Variants in SCAND3 observed in about 807,000 individuals in gnomAD.
The protein encoded by SCAND3 is SCAN domain-containing protein 3.
the SCAND3 span, chr6:28,573,173 A>G: frequency 6.2e-7 from 1 of 1,613,768 alleles, no homozygotes; most frequent in Non-Finnish European, 8.5e-7. Flanking sequence ...ATATCTCTGC[A>G]TTCATCAAGT....
the SCAND3 span, chr6:28,586,833 C>T: frequency 4.6e-5 from 37 of 801,440 alleles, no homozygotes; most frequent in Middle Eastern, 3.6e-4. The surrounding 1 kb of genome is among the most constrained non-coding windows in gnomAD (Gnocchi z 4.4). Context: ...TATAAGAAAA[C>T]ACTCAACACA....
At chr6:28,589,577 C>T in the SCAND3 span, 1 of 152,240 alleles carries the variant, frequency 6.6e-6, no homozygotes, top group East Asian at 1.9e-4. Flanking sequence ...TGAACTCTCC[C>T]CTTCTATCCA....
At chr6:28,610,719 T>C in the SCAND3 span, among the ~76,000 whole-genome samples, 1 of 152,204 alleles carries the variant, frequency 6.6e-6, no homozygotes, top group African/African-American at 2.4e-5. Flanking sequence ...ATATTATGCT[T>C]TTTTACACAT....
chr6:28,581,936 T>G, the SCAND3 span, among the ~76,000 whole-genome samples: 2 of 152,224 alleles, frequency 1.3e-5, no homozygotes, highest in Non-Finnish European at 2.9e-5. Context: ...ATTTCCCCTG[T>G]GGGGGAAATC....
chr6:28,586,002 A>T, the SCAND3 span, among the ~76,000 whole-genome samples: 59,923 of 151,670 alleles, frequency 0.4, 12,737 homozygotes, highest in African/African-American at 0.55. The surrounding 1 kb of genome is among the most constrained non-coding windows in gnomAD (Gnocchi z 4.4). Context: ...GTAATTTTTT[A>T]AAAAAAATTT....
the SCAND3 span, among the ~76,000 whole-genome samples, chr6:28,581,737 A>C: frequency 6.6e-6 from 1 of 151,644 alleles, no homozygotes; most frequent in African/African-American, 2.4e-5. Context: ...TTCCCCAGGA[A>C]CCTCCTCCCC....
the SCAND3 span, among the ~76,000 whole-genome samples, chr6:28,607,833 T>C: frequency 6.6e-6 from 1 of 152,146 alleles, no homozygotes; most frequent in African/African-American, 2.4e-5. Context: ...TGAAATAGCT[T>C]AGTGGGAGTG....
chr6:28,571,295 C>G, the SCAND3 span: 1 of 152,276 alleles, frequency 6.6e-6, no homozygotes, highest in African/African-American at 2.4e-5. Context: ...GCCTGGGCAA[C>G]AGAGCAAGAC....
the SCAND3 span, among the ~76,000 whole-genome samples, chr6:28,610,812 A>G: frequency 7.9e-5 from 12 of 152,348 alleles, no homozygotes; most frequent in South Asian, 1.7e-3. Context: ...TCAGTCTGTT[A>G]GAAAAACAAT....
chr6:28,588,701 TCA>T, the SCAND3 span, among the ~76,000 whole-genome samples: 5 of 152,218 alleles, frequency 3.3e-5, no homozygotes, highest in African/African-American at 4.8e-5. This position sits in a 1 kb window ranked among gnomAD's most constrained non-coding sequence, Gnocchi z 4.1. Context: ...AGACTACAAT[TCA>T]CCAAGTTACT....
chr6:28,575,266 C>T, the SCAND3 span: 45 of 1,613,830 alleles, frequency 2.8e-5, no homozygotes, highest in Non-Finnish European at 3.3e-5. This position sits in a 1 kb window ranked among gnomAD's most constrained non-coding sequence, Gnocchi z 4.2. Context: ...AATCCTCTTT[C>T]GGATATCCTC....
chr6:28,576,607 G>A, the SCAND3 span, among the ~76,000 whole-genome samples: 1 of 152,052 alleles, frequency 6.6e-6, no homozygotes, highest in Non-Finnish European at 1.5e-5. Flanking sequence ...TTGGTGGAAT[G>A]AAGAGCGTAA....
chr6:28,595,345 AAAAAAAAAAAG>A, the SCAND3 span, among the ~76,000 whole-genome samples: 1 of 148,298 alleles, frequency 6.7e-6, no homozygotes, highest in African/African-American at 2.5e-5. Flanking sequence ...AAAAAAAAAA[AAAAAAAAAAAG>A]AAGAAGAAGA....
the SCAND3 span, among the ~76,000 whole-genome samples, chr6:28,598,876 C>CAAAAAAAAAAAA: frequency 1.3e-5 from 1 of 74,308 alleles, no homozygotes; most frequent in African/African-American, 4.8e-5. Context: ...GACTATGTCT[C>CAAAAAAAAAAAA]AAAAAAAAAA....
chr6:28,575,601 A>C, the SCAND3 span: 7 of 1,613,932 alleles, frequency 4.3e-6, no homozygotes, highest in Admixed American at 6.7e-5. The surrounding 1 kb of genome is among the most constrained non-coding windows in gnomAD (Gnocchi z 4.2). Context: ...TAACTTCCTT[A>C]ATTGATTTTG....
the SCAND3 span, among the ~76,000 whole-genome samples, chr6:28,600,472 A>C: frequency 6.6e-6 from 1 of 152,118 alleles, no homozygotes; most frequent in Admixed American, 6.5e-5. Flanking sequence ...ATCACTACTA[A>C]AAATACAAAA....
At chr6:28,601,052 G>T in the SCAND3 span, among the ~76,000 whole-genome samples, 1 of 151,596 alleles carries the variant, frequency 6.6e-6, no homozygotes. Flanking sequence ...ACAGGCGCCC[G>T]CCACCACGCC....
chr6:28,573,986 A>G, the SCAND3 span, among the ~76,000 whole-genome samples: 2 of 152,208 alleles, frequency 1.3e-5, no homozygotes, highest in Non-Finnish European at 2.9e-5. Flanking sequence ...TCAGAGTTTT[A>G]TACATCTTTG....
the SCAND3 span, among the ~76,000 whole-genome samples, chr6:28,605,803 G>A: frequency 6.6e-6 from 1 of 152,128 alleles, no homozygotes; most frequent in Admixed American, 6.5e-5. Context: ...CCGAGATCGC[G>A]CCATTGCACT....
Sources: allele counts gnomAD v4.1 joint callset (sites outside exome capture counted in the v4.1 genomes callset), GRCh38; gene constraint gnomAD v4.1.1; non-coding constraint Gnocchi (gnomAD v3.1); transcripts MANE v1.5; gene names NCBI Gene and HGNC (gene_info 2026-07-23, HGNC 2026-07-21).